The following FRMD4A variants were observed in gnomAD, a reference collection of about 807,000 sequenced individuals.
FRMD4A encodes the protein FERM domain containing 4A, also known as FERM domain-containing protein 4A.
A neutral mutation model predicts 129.1 loss-of-function variants in FRMD4A; 29 were observed. The ratio of observed to expected loss-of-function variants is 0.22; its 90% CI spans 0.17 to 0.31. The LOEUF is 0.31. FRMD4A is among the 10% of genes least tolerant of loss of function. The pLI is 1.00. For synonymous variants in FRMD4A, 634 were observed against 571.6 expected, an observed-to-expected ratio of 1.11 and a Z score of -1.56; for missense variants, 1,272 against 1,375.8, an observed-to-expected ratio of 0.92 and a Z score of 1.19.
At chr10:13,709,631 G>A (rs1335885700) in intron 12 of FRMD4A, among the ~76,000 whole-genome samples, 2 of 152,134 alleles carry the variant, frequency 1.3e-5, no homozygotes, top group Non-Finnish European at 2.9e-5. Flanking sequence ...GATGTGGATG[G>A]TACTTCAATG....
At chr10:13,666,069 G>C in intron 18 of FRMD4A, 28 bp downstream of exon 18, 1 of 1,402,904 alleles carries the variant, frequency 7.1e-7, no homozygotes, top group Non-Finnish European at 1.0e-6. Context: ...CGTGGGAGTG[G>C]GGTGGGGGCA....
chr10:14,273,510 G>C (rs1337988692), intron 2 of FRMD4A, among the ~76,000 whole-genome samples: 1 of 152,110 alleles, frequency 6.6e-6, no homozygotes, highest in Non-Finnish European at 1.5e-5. Flanking sequence ...CATGTAAGCT[G>C]ATGATTTTTT....
intron 2 of FRMD4A, among the ~76,000 whole-genome samples, chr10:13,951,882 T>C (rs1236376028): frequency 9.9e-6 from 1 of 101,092 alleles, no homozygotes; most frequent in Non-Finnish European, 2.2e-5. Context: ...AGAGTGAGAC[T>C]CTGTCTCAAA....
chr10:13,965,597 C>G (rs919366039), intron 2 of FRMD4A, among the ~76,000 whole-genome samples: 27 of 152,226 alleles, frequency 1.8e-4, no homozygotes, highest in African/African-American at 6.3e-4. Flanking sequence ...TGTAATCTTA[C>G]TCTCAACAGC....
intron 2 of FRMD4A, among the ~76,000 whole-genome samples, chr10:14,323,766 A>G (rs1843158915): frequency 6.6e-6 from 1 of 152,198 alleles, no homozygotes; most frequent in Non-Finnish European, 1.5e-5. Flanking sequence ...ATTAGTCAGA[A>G]ATCTCCATCT....
At chr10:13,655,296 G>A (rs960618453) in intron 22 of FRMD4A, 1 of 152,088 alleles carries the variant, frequency 6.6e-6, no homozygotes, top group Non-Finnish European at 1.5e-5. Flanking sequence ...AAATCTACTA[G>A]ACCAGTGCTG....
intron 2 of FRMD4A, among the ~76,000 whole-genome samples, chr10:14,057,509 C>T (rs144391366): frequency 6.2e-4 from 94 of 152,160 alleles, no homozygotes; most frequent in African/African-American, 2.1e-3. Context: ...CAAAAGTCAA[C>T]GCATGCTGCA....
intron 2 of FRMD4A, among the ~76,000 whole-genome samples, chr10:13,996,092 A>C (rs1480377823): frequency 6.6e-6 from 1 of 152,108 alleles, no homozygotes; most frequent in African/African-American, 2.4e-5. Context: ...TACAAGCAAA[A>C]CTTTCTTCCT....
intron 14 of FRMD4A, among the ~76,000 whole-genome samples, chr10:13,698,727 G>A (rs1026790582): frequency 6.6e-6 from 1 of 152,200 alleles, no homozygotes; most frequent in African/African-American, 2.4e-5. Flanking sequence ...ATTGGGGAAA[G>A]CAAAACACCA....
intron 3 of FRMD4A, among the ~76,000 whole-genome samples, chr10:13,819,717 T>C (rs1412905853): frequency 2.9e-5 from 4 of 139,752 alleles, no homozygotes; most frequent in African/African-American, 7.8e-5. Context: ...TTTTTTTTTT[T>C]CTGAGATGGG....
At chr10:13,661,084 G>A (rs1564544150) in intron 19 of FRMD4A, among the ~76,000 whole-genome samples, 2 of 152,168 alleles carry the variant, frequency 1.3e-5, no homozygotes, top group Admixed American at 1.3e-4. Flanking sequence ...CCTGCTGGGT[G>A]GATCGGGTGT....
In FRMD4A at chr10:13,656,823, G is replaced by A. The variant is rs527899634; in HGVS notation, c.2766C>T (p.Ala922=). 34 of 1,571,068 alleles carry A rather than the reference G, an allele frequency of 2.2e-5. No individual in the cohort carries two copies. The highest frequency in any genetic ancestry group is 1.2e-4 in the South Asian group (10 of 85,480). ...EGAHDKGAGR[A]AVSDELRQWY... ...ACTGGCGCAGCTCGTCTGAGACGGC[G>A]GCACGGCCCGCGCCCTTGTCGTGGG... The change falls in exon 22 of 25, where the codon GCC becomes GCT. Residue 922 remains alanine, a synonymous_variant. Coordinates refer to ENST00000357447, the MANE Select transcript of FRMD4A (RefSeq NM_018027.5).
Position 13,674,918 on chromosome 10 carries a change from C to A in FRMD4A, c.1244G>T (p.Arg415Leu). ...GAGCTAGGAAAGGCTTACAGCTTCT[C>A]GGAGACACAGCTTCTTCAGTTCCTC... ...RLEELKKLCL[R>L]EAELTGKLPV... Residue 415 changes from arginine to leucine, a missense_variant, in exon 16 of 25, where the codon CGA becomes CTA. Coordinates refer to ENST00000357447, the MANE Select transcript of FRMD4A (RefSeq NM_018027.5). The A allele has an allele frequency of 6.2e-7, 1 of 1,614,134 alleles. No homozygotes were observed. Among genetic ancestry groups the A allele is most frequent in the Non-Finnish European group, 8.5e-7 (1 of 1,179,986 alleles).
At chr10:14,139,013 G>A (rs1589057939) in intron 2 of FRMD4A, among the ~76,000 whole-genome samples, 1 of 152,322 alleles carries the variant, frequency 6.6e-6, no homozygotes, top group South Asian at 2.1e-4. Flanking sequence ...ATCATGGCTA[G>A]GAATCTCAAT....
Position 13,944,870 on chromosome 10 carries a change from C to T in FRMD4A, c.46-85958G>A, listed in dbSNP as rs148496935. 2.6e-3 allele frequency among the ~76,000 whole-genome samples: 396 copies of T among 152,328 alleles called. 1 individual carries two copies. The highest frequency in any genetic ancestry group is 0.01 in the Middle Eastern group (3 of 294). ...CTTCTTATCCTTCCAATGAAGAACA[C>T]GGAATAGCTGAGTCTTTGCCAGACA... On this transcript the variant is annotated intron_variant, in intron 2 of 24. Transcript: ENST00000357447.
chr10:14,288,379 A>AATCCAACTT (rs930321792), intron 2 of FRMD4A, among the ~76,000 whole-genome samples: 4 of 152,134 alleles, frequency 2.6e-5, no homozygotes, highest in African/African-American at 9.7e-5. Flanking sequence ...CTCAAATTAA[A>AATCCAACTT]ATCCAACTTA....
At chr10:14,153,658 G>A (rs139813731) in intron 2 of FRMD4A, among the ~76,000 whole-genome samples, 314 of 152,278 alleles carry the variant, frequency 2.1e-3, no homozygotes, top group Middle Eastern at 0.01. Flanking sequence ...ACCGAGCTTA[G>A]GAGGCTTGTC....
At chr10:13,656,609 C>T (rs1251575570) in intron 22 of FRMD4A, 27 bp downstream of exon 22, 2 of 1,376,412 alleles carry the variant, frequency 1.5e-6, no homozygotes, top group Non-Finnish European at 1.9e-6. Context: ...CAGGTCTTCC[C>T]GCGTGCACCT....
intron 2 of FRMD4A, among the ~76,000 whole-genome samples, chr10:14,054,620 C>A (rs1279533264): frequency 1.3e-5 from 2 of 152,164 alleles, no homozygotes; most frequent in African/African-American, 4.8e-5. Context: ...ACACCCAGCA[C>A]CCTTGAGGCT....
Sources: allele counts gnomAD v4.1 joint callset (sites outside exome capture counted in the v4.1 genomes callset), GRCh38; gene constraint gnomAD v4.1.1; transcripts MANE v1.5; gene names NCBI Gene and HGNC (gene_info 2026-07-23, HGNC 2026-07-21).